Variants in JMJD1C observed in about 807,000 individuals in gnomAD.
The protein encoded by JMJD1C is jumonji domain containing 1C, also known as jumonji domain-containing protein 1C.
JMJD1C carries 31 observed loss-of-function variants against 245.3 expected under a neutral mutation model. The ratio of observed to expected loss-of-function variants is 0.13; its 90% CI spans 0.09 to 0.17. JMJD1C has a LOEUF of 0.17. Ranked by LOEUF, JMJD1C falls within the 10% of genes least tolerant of loss-of-function variation. JMJD1C has a pLI of 1.00. For missense variants in JMJD1C, 2,691 were observed against 3,000.2 expected (o/e 0.90, Z 2.41); for synonymous variants, 1,057 against 1,017.4 (o/e 1.04, Z -0.74).
Position 63,208,021 on chromosome 10 carries a change from G to A in JMJD1C, c.3648C>T (p.Ser1216=). The A allele has an allele frequency of 6.2e-7, 1 of 1,614,148 alleles. No homozygotes were observed. The highest frequency in any genetic ancestry group is 8.5e-7 in the Non-Finnish European group (1 of 1,180,008). ...TATAGCTGCCTTCCTTTCTTTCCAGGCTGTGATGGATTGGTGGGTGAAATA... is the reference window on the plus strand; with the variant it reads ...TATAGCTGCCTTCCTTTCTTTCCAGACTGTGATGGATTGGTGGGTGAAATA... ...APVFHPPIHH[S]LERKEGSYSS... The change falls in exon 10 of 26, where the codon AGC becomes AGT. Residue 1216 remains serine (S), a synonymous_variant. Coordinates refer to ENST00000399262, the MANE Select transcript of JMJD1C (RefSeq NM_032776.3).
rs1318756397 is a variant in JMJD1C, at chr10:63,379,861, C to G, written c.333+457G>C. On this transcript the variant is annotated intron_variant, in intron 2 of 25. Coordinates refer to ENST00000399262, the MANE Select transcript of JMJD1C (RefSeq NM_032776.3). ...AAATCTCTGCCAGATTCATCAGAGACTCTTCAAAAATATTAATTTATAAAT... is the reference window on the plus strand; with the variant it reads ...AAATCTCTGCCAGATTCATCAGAGAGTCTTCAAAAATATTAATTTATAAAT... 5.9e-5 allele frequency among the ~76,000 whole-genome samples: 9 copies of G among 152,242 alleles called. No homozygotes were observed. The East Asian group carries it at 1.7e-3, about 29-fold the overall frequency.
At chr10:63,176,798 ATTTTTTTTT>A (rs10577726) in intron 23 of JMJD1C, 11 of 135,618 alleles carry the variant, frequency 8.1e-5, no homozygotes, top group Non-Finnish European at 1.2e-4. Flanking sequence ...GGAACAGGGT[ATTTTTTTTT>A]TTTTTTTTTT....
At chr10:63,249,362 G>C (rs905416305) in intron 3 of JMJD1C, among the ~76,000 whole-genome samples, 3 of 152,100 alleles carry the variant, frequency 2.0e-5, no homozygotes, top group Non-Finnish European at 4.4e-5. Flanking sequence ...CTTAAAGATA[G>C]ACAGTAGATT....
intron 22 of JMJD1C, among the ~76,000 whole-genome samples, chr10:63,183,141 G>A (rs1843692642): frequency 6.6e-6 from 1 of 152,196 alleles, no homozygotes; most frequent in African/African-American, 2.4e-5. Context: ...GATTACAGGT[G>A]TGAGCCACTG....
intron 1 of JMJD1C, among the ~76,000 whole-genome samples, chr10:63,434,488 G>C (rs1290910579): frequency 3.9e-5 from 6 of 152,136 alleles, no homozygotes; most frequent in African/African-American, 1.4e-4. Flanking sequence ...GGGAGGCTAA[G>C]ACTCTGGAGT....
At chr10:63,253,429 G>A (rs1273119864) in intron 3 of JMJD1C, among the ~76,000 whole-genome samples, 1 of 151,734 alleles carries the variant, frequency 6.6e-6, no homozygotes, top group African/African-American at 2.4e-5. Context: ...TGTCGCCCAG[G>A]CTGTAGTGCA....
rs773473427 is a variant in JMJD1C, at chr10:63,215,409, T to C, written c.869A>G (p.Asn290Ser). ...CTGTTTTGGTACAGCAGCTTGGGAG[T>C]TCATTGCTGGTCTGGGACTATTTGC... ...AQANSPRPAMNSQAAVPKQNT... is the reference protein window; with the variant it reads ...AQANSPRPAMSSQAAVPKQNT... Residue 290 changes from asparagine (N) to serine (S), a missense_variant, in exon 7 of 26, where the codon AAC becomes AGC. By Grantham distance (46) the Asn-to-Ser change is conservative. Transcript: ENST00000399262. The C allele has an allele frequency of 4.3e-6, 7 of 1,614,120 alleles. No homozygotes were observed. In the South Asian group the frequency reaches 7.7e-5, roughly 18 times the overall value.
At chr10:63,386,159 C>T (rs1363219311) in intron 1 of JMJD1C, among the ~76,000 whole-genome samples, 1 of 152,026 alleles carries the variant, frequency 6.6e-6, no homozygotes, top group African/African-American at 2.4e-5. Context: ...TGAAGGAAAA[C>T]ACAAGGTACT....
chr10:63,451,626 G>A (rs946289753), intron 1 of JMJD1C, among the ~76,000 whole-genome samples: 6 of 152,146 alleles, frequency 3.9e-5, no homozygotes, highest in African/African-American at 1.2e-4. Context: ...AGAGATGACT[G>A]AACATATACA....
chr10:63,302,962 T>C (rs1433309739), intron 2 of JMJD1C, among the ~76,000 whole-genome samples: 1 of 152,196 alleles, frequency 6.6e-6, no homozygotes, highest in South Asian at 2.1e-4. Flanking sequence ...TAGCTCACTG[T>C]AACCTCGAAC....
chr10:63,443,654 T>A (rs554894633), intron 1 of JMJD1C, among the ~76,000 whole-genome samples: 2 of 152,334 alleles, frequency 1.3e-5, no homozygotes, highest in South Asian at 4.1e-4. Context: ...TATGCAAACC[T>A]TTTATAGAGG....
intron 1 of JMJD1C, among the ~76,000 whole-genome samples, chr10:63,517,990 G>C (rs1216926417): frequency 6.6e-6 from 1 of 152,036 alleles, no homozygotes; most frequent in East Asian, 1.9e-4. Flanking sequence ...ATGAGGTCTT[G>C]CCACATTGGC....
At chr10:63,456,405 T>C (rs1952417473) in intron 1 of JMJD1C, among the ~76,000 whole-genome samples, 1 of 152,156 alleles carries the variant, frequency 6.6e-6, no homozygotes, top group Non-Finnish European at 1.5e-5. Context: ...AGATTCCATC[T>C]ATAGAATCAC....
intron 1 of JMJD1C, among the ~76,000 whole-genome samples, chr10:63,461,498 TTTTA>T (rs1367314639): frequency 6.6e-6 from 1 of 151,752 alleles, no homozygotes; most frequent in Non-Finnish European, 1.5e-5. Flanking sequence ...CAAAAAGGGG[TTTTA>T]TTTATATGCG....
intron 1 of JMJD1C, among the ~76,000 whole-genome samples, chr10:63,429,663 G>C (rs1380152324): frequency 2.0e-5 from 3 of 152,182 alleles, no homozygotes; most frequent in Non-Finnish European, 2.9e-5. Context: ...TTTGCCAGTT[G>C]AGAAAGCAGC....
chr10:63,318,031 A>G (rs1329779615), intron 2 of JMJD1C, among the ~76,000 whole-genome samples: 5 of 152,016 alleles, frequency 3.3e-5, no homozygotes, highest in Admixed American at 6.6e-5. Flanking sequence ...TTTTGGAGAC[A>G]GGGTCTGGCT....
At chr10:63,341,259 A>T (rs1943350860) in intron 2 of JMJD1C, among the ~76,000 whole-genome samples, 1 of 152,246 alleles carries the variant, frequency 6.6e-6, no homozygotes, top group African/African-American at 2.4e-5. Context: ...CTGATCATGA[A>T]GCAGTACAGA....
intron 1 of JMJD1C, among the ~76,000 whole-genome samples, chr10:63,458,880 C>T (rs192075507): frequency 2.6e-5 from 4 of 152,124 alleles, no homozygotes; most frequent in East Asian, 3.9e-4. Flanking sequence ...CACACCACCA[C>T]GCCTGGCTAC....
intron 24 of JMJD1C, among the ~76,000 whole-genome samples, chr10:63,168,848 T>C (rs959743032): frequency 6.6e-6 from 1 of 152,054 alleles, no homozygotes; most frequent in African/African-American, 2.4e-5. Context: ...AGATATTAAA[T>C]TATCAATTTT....
Sources: allele counts gnomAD v4.1 joint callset (sites outside exome capture counted in the v4.1 genomes callset), GRCh38; gene constraint gnomAD v4.1.1; transcripts MANE v1.5; gene names NCBI Gene and HGNC (gene_info 2026-07-23, HGNC 2026-07-21).